RORA: variants seen among roughly 807,000 people sequenced by gnomAD.
RORA encodes RAR related orphan receptor A.
RORA carries 7 observed loss-of-function variants against 69.5 expected under a neutral mutation model. The observed-to-expected ratio is 0.10, with a 90% confidence interval of 0.06 to 0.19. The LOEUF (loss-of-function observed/expected upper bound fraction) is 0.19, where lower values mean the gene tolerates loss of function less well. Among genes scored for constraint, RORA ranks in the 10% least tolerant of loss-of-function variants. The probability of loss-of-function intolerance (pLI) is 1.00; values close to 1 mark genes in which losing one functional copy is unlikely to be tolerated. For synonymous variants in RORA, 261 were observed against 240.8 expected (o/e 1.08, Z -0.78); for missense variants, 457 against 663.0 (o/e 0.69, Z 3.41).
At position 61,210,628 on chromosome 15, in the gene RORA, A is replaced by G. The variant is rs146345086; in HGVS notation, c.166+18425T>C. Among the ~76,000 whole-genome samples the G allele has an allele frequency of 5.3e-4, 81 of 152,342 alleles. 1 individual carries two copies. The East Asian group carries it at 0.015, about 28-fold the overall frequency. On this transcript the variant is annotated intron_variant, in intron 1 of 10. Coordinates refer to ENST00000335670, the MANE Select transcript of RORA (RefSeq NM_134261.3). Reference sequence around the variant, plus strand: ...AAGTATGTCAAGGTGGGCTAAAGCTATGAATACCCTTTTATGTAAACTAAG... The same window carrying G: ...AAGTATGTCAAGGTGGGCTAAAGCTGTGAATACCCTTTTATGTAAACTAAG...
intron 2 of RORA, among the ~76,000 whole-genome samples, chr15:60,648,642 TAAC>T (rs889680482): frequency 1.3e-5 from 2 of 152,242 alleles, no homozygotes; most frequent in African/African-American, 4.8e-5. Context: ...AATCTGATCT[TAAC>T]AATCCTCTGA....
intron 2 of RORA, among the ~76,000 whole-genome samples, chr15:60,598,133 G>T (rs2068737433): frequency 1.3e-5 from 2 of 152,118 alleles, no homozygotes; most frequent in Non-Finnish European, 2.9e-5. Flanking sequence ...AGGAAAAAGT[G>T]ATATCTCTCA....
At chr15:61,196,444 A>G (rs8035748) in intron 1 of RORA, among the ~76,000 whole-genome samples, 150,510 of 152,304 alleles carry the variant, frequency 0.99, 74,388 homozygotes, top group Middle Eastern at 1. Context: ...CTGGCCTCAC[A>G]AGCCCATTAC....
chr15:60,510,713 G>A (rs975620938), intron 5 of RORA, among the ~76,000 whole-genome samples: 4 of 152,216 alleles, frequency 2.6e-5, no homozygotes, highest in Admixed American at 6.5e-5. Flanking sequence ...TTGGCTCAGT[G>A]TAAATAGATC....
At chr15:61,205,015 C>T (rs899547964) in intron 1 of RORA, among the ~76,000 whole-genome samples, 1 of 152,196 alleles carries the variant, frequency 6.6e-6, no homozygotes, top group Non-Finnish European at 1.5e-5. Context: ...TCGTGTTTGG[C>T]CTACGCTGGG....
chr15:60,916,626 T>A (rs1891880356), intron 1 of RORA, among the ~76,000 whole-genome samples: 2 of 152,082 alleles, frequency 1.3e-5, no homozygotes, highest in South Asian at 2.1e-4. Flanking sequence ...ATATATATAT[T>A]TTTAAATACC....
At chr15:61,112,452 G>T (rs1178005364) in intron 1 of RORA, among the ~76,000 whole-genome samples, 1 of 152,068 alleles carries the variant, frequency 6.6e-6, no homozygotes, top group Non-Finnish European at 1.5e-5. Context: ...CCCCCAGGGG[G>T]AGTGGCATTT....
chr15:60,679,891 C>T (rs114237268), intron 1 of RORA, among the ~76,000 whole-genome samples: 1 of 151,692 alleles, frequency 6.6e-6, no homozygotes, highest in Admixed American at 6.6e-5. Context: ...TCCCCGACCC[C>T]GCAACTTTTA....
In RORA at chr15:60,684,603, C is replaced by A. The variant is rs149804139; in HGVS notation, c.167-5917G>T. ...CTGCACTCCAGCCTGGGCGACAGTGCGAGACTCCATCTCAAACAAACAAAC... is the reference window on the plus strand; with the variant it reads ...CTGCACTCCAGCCTGGGCGACAGTGAGAGACTCCATCTCAAACAAACAAAC... On this transcript the variant is annotated intron_variant, in intron 1 of 10. Transcript: ENST00000335670. Among the ~76,000 whole-genome samples, 423 of 152,228 alleles carry A rather than the reference C, an allele frequency of 2.8e-3. 2 individuals are homozygous for A. The highest frequency in any genetic ancestry group is 9.7e-3 in the African/African-American group (403 of 41,534).
At chr15:60,929,708 C>T (rs1002723600) in intron 1 of RORA, among the ~76,000 whole-genome samples, 9 of 152,166 alleles carry the variant, frequency 5.9e-5, no homozygotes, top group Admixed American at 1.3e-4. Context: ...AGGAGGTTTT[C>T]CCGCTTCGCT....
chr15:60,891,058 G>A (rs919949121), intron 1 of RORA, among the ~76,000 whole-genome samples: 4 of 152,218 alleles, frequency 2.6e-5, no homozygotes, highest in African/African-American at 4.8e-5. Context: ...AAACAGGGGG[G>A]AGATGTCTCG....
chr15:60,981,740 T>C (rs1894049971), intron 1 of RORA, among the ~76,000 whole-genome samples: 1 of 152,228 alleles, frequency 6.6e-6, no homozygotes, highest in Non-Finnish European at 1.5e-5. Flanking sequence ...TTTCAGCTTT[T>C]TGAATATATT....
chr15:60,891,612 C>G (rs1165849587), intron 1 of RORA, among the ~76,000 whole-genome samples: 1 of 152,246 alleles, frequency 6.6e-6, no homozygotes, highest in Non-Finnish European at 1.5e-5. Context: ...GCATGAAGGA[C>G]TAGGACAGTC....
intron 1 of RORA, among the ~76,000 whole-genome samples, chr15:61,222,237 C>A (rs1010632476): frequency 2.0e-4 from 30 of 152,170 alleles, no homozygotes; most frequent in Non-Finnish European, 3.1e-4. Context: ...CCACCAGGGC[C>A]CCAGTTCTGC....
chr15:60,841,762 C>T (rs1286060138), intron 1 of RORA, among the ~76,000 whole-genome samples: 2 of 152,182 alleles, frequency 1.3e-5, no homozygotes, highest in Non-Finnish European at 2.9e-5. Context: ...GTGCTCCGCC[C>T]TTTATCTCCT....
intron 1 of RORA, among the ~76,000 whole-genome samples, chr15:60,772,947 G>A (rs1437701123): frequency 6.6e-6 from 1 of 152,222 alleles, no homozygotes; most frequent in South Asian, 2.1e-4. Context: ...TGCCGATTAA[G>A]ATTAATCCCG....
chr15:60,978,462 C>T (rs1162268980), intron 1 of RORA, among the ~76,000 whole-genome samples: 1 of 152,102 alleles, frequency 6.6e-6, no homozygotes, highest in East Asian at 1.9e-4. Context: ...TTATCCTATT[C>T]TATGGGTTGC....
intron 1 of RORA, among the ~76,000 whole-genome samples, chr15:60,735,443 T>C (rs895592136): frequency 3.3e-5 from 5 of 152,188 alleles, no homozygotes; most frequent in Non-Finnish European, 5.9e-5. Context: ...GGAAAGCATA[T>C]GACACCTCCA....
At chr15:61,227,023 C>A (rs988157005) in intron 1 of RORA, among the ~76,000 whole-genome samples, 2 of 152,142 alleles carry the variant, frequency 1.3e-5, no homozygotes, top group Non-Finnish European at 2.9e-5. Context: ...TTTGCAAGAA[C>A]AGCAAGTTAC....
Sources: allele counts gnomAD v4.1 joint callset (sites outside exome capture counted in the v4.1 genomes callset), GRCh38; gene constraint gnomAD v4.1.1; transcripts MANE v1.5; gene names NCBI Gene and HGNC (gene_info 2026-07-23, HGNC 2026-07-21).